The following TLR6 variants were observed in gnomAD, a reference collection of about 807,000 sequenced individuals.
The protein encoded by TLR6 is toll like receptor 6, also known as toll-like receptor 6.
TLR6 carries 9 observed loss-of-function variants against 16.1 expected under a neutral mutation model. The observed-to-expected ratio is 0.56, with a 90% confidence interval of 0.34 to 0.98. The LOEUF is 0.98. TLR6 is among the 50% of genes least tolerant of loss of function. The probability of loss-of-function intolerance (pLI) is 0.02; values close to 1 mark genes in which losing one functional copy is unlikely to be tolerated. For synonymous variants in TLR6, 340 were observed against 338.6 expected (o/e 1.00, Z -0.04); for missense variants, 786 against 921.0 (o/e 0.85, Z 1.90).
chr4:38,842,432 G>T (rs1379946216), intron 1 of TLR6, among the ~76,000 whole-genome samples: 1 of 152,212 alleles, frequency 6.6e-6, no homozygotes, highest in Non-Finnish European at 1.5e-5. Flanking sequence ...AGGCCAAAGT[G>T]GTCATTTGTG....
chr4:38,865,163 C>G, the TLR6 span, among the ~76,000 whole-genome samples: 1 of 151,986 alleles, frequency 6.6e-6, no homozygotes, highest in Non-Finnish European at 1.5e-5. Flanking sequence ...ATAAATACTG[C>G]AAAAAATTTT....
intron 1 of TLR6, among the ~76,000 whole-genome samples, chr4:38,830,120 C>G (rs769741993): frequency 1.2e-4 from 18 of 152,186 alleles, no homozygotes; most frequent in Non-Finnish European, 2.1e-4. Context: ...TCTTTAGCTT[C>G]CATGCATGCA....
chr4:38,830,103 T>C (rs571398660), intron 1 of TLR6, among the ~76,000 whole-genome samples: 58 of 152,356 alleles, frequency 3.8e-4, no homozygotes, highest in African/African-American at 1.4e-3. Flanking sequence ...ACTTCACCTC[T>C]GGCTCATCTT....
At chr4:38,858,681 C>T (rs1185969538), upstream of TLR6, among the ~76,000 whole-genome samples, 3 of 149,460 alleles carry the variant, frequency 2.0e-5, no homozygotes, top group Admixed American at 6.7e-5. Flanking sequence ...GATTGTGCCA[C>T]TGCACTTCAG....
chr4:38,859,066 A>G (rs1713137488), upstream of TLR6, among the ~76,000 whole-genome samples: 1 of 152,192 alleles, frequency 6.6e-6, no homozygotes, highest in Non-Finnish European at 1.5e-5. Flanking sequence ...CTGTCACGTC[A>G]TCTCCACTTA....
At chr4:38,830,526 G>T (rs5743803) in intron 1 of TLR6, among the ~76,000 whole-genome samples, 1 of 152,210 alleles carries the variant, frequency 6.6e-6, no homozygotes, top group South Asian at 2.1e-4. Flanking sequence ...GCCAGCCTGC[G>T]CAACATAGTG....
chr4:38,855,208 T>C (rs2109476320), intron 1 of TLR6, among the ~76,000 whole-genome samples: 1 of 115,108 alleles, frequency 8.7e-6, no homozygotes, highest in African/African-American at 3.3e-5. Flanking sequence ...CAAGACTCCG[T>C]CTCAAAAAAA....
At chr4:38,835,908 A>G (rs1711890679) in intron 1 of TLR6, among the ~76,000 whole-genome samples, 1 of 152,156 alleles carries the variant, frequency 6.6e-6, no homozygotes, top group Admixed American at 6.5e-5. Flanking sequence ...GGAGGTAAAA[A>G]AGTTTCTTGA....
chr4:38,826,008 C>T (rs1727531123), exon 2 of TLR6: 1 of 93,812 alleles, frequency 1.1e-5, no homozygotes, highest in African/African-American at 6.6e-5. Flanking sequence ...TTCCCAGTGC[C>T]CACCCTCGGA....
chr4:38,863,452 A>G, the TLR6 span, among the ~76,000 whole-genome samples: 2 of 152,226 alleles, frequency 1.3e-5, no homozygotes, highest in African/African-American at 4.8e-5. Context: ...ACTCACATTC[A>G]ATAGCCTGCT....
At chr4:38,841,930 C>T (rs1156618243) in intron 1 of TLR6, among the ~76,000 whole-genome samples, 1 of 152,086 alleles carries the variant, frequency 6.6e-6, no homozygotes, top group South Asian at 2.1e-4. Flanking sequence ...GTCATGTTTT[C>T]ATATGTTTCT....
At chr4:38,835,573 T>C (rs1711870145) in intron 1 of TLR6, among the ~76,000 whole-genome samples, 1 of 152,118 alleles carries the variant, frequency 6.6e-6, no homozygotes, top group Non-Finnish European at 1.5e-5. Flanking sequence ...TTAGACAGAA[T>C]ATCAGCAAAG....
intron 1 of TLR6, 118 bp from the exon 2 acceptor site, chr4:38,829,655 C>T: frequency 3.7e-6 from 2 of 540,998 alleles, no homozygotes; most frequent in Non-Finnish European, 6.5e-6. Context: ...ATTTCTGTCC[C>T]CATAATTTAA....
chr4:38,868,000 T>C, the TLR6 span: 2 of 403,492 alleles, frequency 5.0e-6, no homozygotes, highest in East Asian at 8.7e-5. Flanking sequence ...AGGACCCGGC[T>C]CTGGGGTGAG....
chr4:38,858,910 AAG>A, upstream of TLR6, among the ~76,000 whole-genome samples: 1 of 151,874 alleles, frequency 6.6e-6, no homozygotes, highest in East Asian at 1.9e-4. Flanking sequence ...AAAGAAAAGA[AAG>A]AAAGAAAATT....
At chr4:38,866,514 A>T in the TLR6 span, among the ~76,000 whole-genome samples, 1 of 151,928 alleles carries the variant, frequency 6.6e-6, no homozygotes. Context: ...TTAATAAATT[A>T]ATTAATATAT....
chr4:38,859,812 C>T (rs1053489667), upstream of TLR6, among the ~76,000 whole-genome samples: 1 of 152,078 alleles, frequency 6.6e-6, no homozygotes, highest in Non-Finnish European at 1.5e-5. Flanking sequence ...ACAATCCGCC[C>T]ACCTCAGCCT....
intron 1 of TLR6, among the ~76,000 whole-genome samples, chr4:38,832,635 T>A (rs1202565188): frequency 1.3e-5 from 2 of 151,976 alleles, no homozygotes; most frequent in Non-Finnish European, 2.9e-5. Flanking sequence ...ACCATACACA[T>A]CCTGTTCTGG....
At chr4:38,829,113 C>T in exon 2 of TLR6, 2 of 1,614,108 alleles carry the variant, frequency 1.2e-6, no homozygotes, top group Non-Finnish European at 1.7e-6. Flanking sequence ...CTGAAACTCA[C>T]AATAGGATGG....
Sources: gnomAD v4.1 joint callset for allele counts (sites outside exome capture counted in the v4.1 genomes callset) on GRCh38, gnomAD v4.1.1 for gene constraint, MANE v1.5 for transcripts, NCBI Gene and HGNC (gene_info 2026-07-23, HGNC 2026-07-21) for gene names.